CNTNAP2: variants seen among roughly 807,000 people sequenced by gnomAD.
CNTNAP2 encodes contactin associated protein 2.
CNTNAP2 carries 98 observed loss-of-function variants against 155.2 expected under a neutral mutation model. The ratio of observed to expected loss-of-function variants is 0.63; its 90% CI spans 0.54 to 0.75. CNTNAP2 has a LOEUF of 0.75. Among genes scored for constraint, CNTNAP2 ranks in the 30% least tolerant of loss-of-function variants. The probability of loss-of-function intolerance (pLI) is 0.00; values close to 1 mark genes in which losing one functional copy is unlikely to be tolerated. For synonymous variants in CNTNAP2, 651 were observed against 631.2 expected (o/e 1.03, Z -0.47); for missense variants, 1,727 against 1,688.1 (o/e 1.02, Z -0.40).
intron 3 of CNTNAP2, among the ~76,000 whole-genome samples, chr7:146,955,013 C>G (rs1411530928): frequency 1.3e-5 from 2 of 151,874 alleles, no homozygotes; most frequent in African/African-American, 2.4e-5. Flanking sequence ...TTTTAAAACT[C>G]TTGTTTGTGT....
At chr7:148,345,611 C>T (rs1016425671) in intron 21 of CNTNAP2, among the ~76,000 whole-genome samples, 6 of 152,144 alleles carry the variant, frequency 3.9e-5, no homozygotes, top group Admixed American at 6.5e-5. Context: ...TCTCGAACCC[C>T]TGACCTCGTG....
intron 14 of CNTNAP2, 107 bp downstream of exon 14, chr7:147,903,828 A>G: frequency 7.3e-7 from 1 of 1,376,392 alleles, no homozygotes; most frequent in Non-Finnish European, 1.0e-6. Context: ...ATACGATAAT[A>G]GGGTAGAAAG....
At chr7:146,152,264 T>A (rs558678348) in intron 1 of CNTNAP2, among the ~76,000 whole-genome samples, 5 of 152,100 alleles carry the variant, frequency 3.3e-5, no homozygotes. Context: ...AAGCCAGACA[T>A]AGAAAGACAA....
Position 148,415,798 on chromosome 7 carries a change from T to A in CNTNAP2, c.*182T>A. 1 of 674,280 alleles carries A rather than the reference T, an allele frequency of 1.5e-6. No homozygotes were observed. Among genetic ancestry groups the A allele is most frequent in the Non-Finnish European group, 2.5e-6 (1 of 403,784 alleles). The allele number at this position is 674,280 out of a possible 1,614,324, so 41.8% of individuals were successfully genotyped here. A position where few individuals can be genotyped will look rare whatever the true frequency, so the allele number is the denominator to read the frequency against. On this transcript the variant is annotated 3_prime_UTR_variant, in exon 24 of 24. Coordinates refer to ENST00000361727, the MANE Select transcript of CNTNAP2 (RefSeq NM_014141.6). ...CTGATCACAAAAAAAAAAACCTTTT[T>A]AATATTTCTTTATAGCTGAGTTTTC...
At chr7:147,291,272 T>A (rs1805303516) in intron 8 of CNTNAP2, among the ~76,000 whole-genome samples, 1 of 152,072 alleles carries the variant, frequency 6.6e-6, no homozygotes, top group South Asian at 2.1e-4. Context: ...CATCTAGGTT[T>A]TAAGCCCCAC....
chr7:148,122,137 C>G (rs1804609660), intron 16 of CNTNAP2, among the ~76,000 whole-genome samples: 1 of 152,212 alleles, frequency 6.6e-6, no homozygotes, highest in African/African-American at 2.4e-5. Context: ...GCATTCACAT[C>G]TCCATTTTAC....
In CNTNAP2 at chr7:147,897,955, A is replaced by C. The variant is rs7801844; in HGVS notation, c.2099-5610A>C. Reference sequence around the variant, plus strand: ...ATGCTGGGACCAGGCACAGGTGGACAGAAGACACAGCTTCAGGGTGGACCT... The same window carrying C: ...ATGCTGGGACCAGGCACAGGTGGACCGAAGACACAGCTTCAGGGTGGACCT... On this transcript the variant is annotated intron_variant, in intron 13 of 23. Transcript: ENST00000361727. 7.4e-3 allele frequency among the ~76,000 whole-genome samples: 1,126 copies of C among 152,362 alleles called. 16 individuals are homozygous for C. The highest frequency in any genetic ancestry group is 0.026 in the African/African-American group (1,068 of 41,580).
intron 1 of CNTNAP2, among the ~76,000 whole-genome samples, chr7:146,214,339 G>A (rs557226827): frequency 6.6e-6 from 1 of 152,146 alleles, no homozygotes; most frequent in African/African-American, 2.4e-5. Flanking sequence ...TACAGTTCAG[G>A]AGTCAAAATA....
At chr7:147,699,075 A>G (rs1432053532) in intron 13 of CNTNAP2, among the ~76,000 whole-genome samples, 1 of 152,002 alleles carries the variant, frequency 6.6e-6, no homozygotes, top group African/African-American at 2.4e-5. Flanking sequence ...TTCATATGAG[A>G]GGAAAAGGGG....
chr7:146,440,358 A>C (rs955547407), intron 1 of CNTNAP2, among the ~76,000 whole-genome samples: 1 of 151,618 alleles, frequency 6.6e-6, no homozygotes, highest in African/African-American at 2.4e-5. Context: ...GCTGAGATTT[A>C]TCCATTAATT....
At chr7:147,909,926 A>G (rs117185965) in intron 14 of CNTNAP2, among the ~76,000 whole-genome samples, 1,628 of 152,278 alleles carry the variant, frequency 0.011, 84 homozygotes, top group Admixed American at 0.089. Context: ...CCACCTCAAC[A>G]TTAGAAAGGC....
At chr7:146,377,526 G>C (rs1052646674) in intron 1 of CNTNAP2, among the ~76,000 whole-genome samples, 1 of 152,156 alleles carries the variant, frequency 6.6e-6, no homozygotes, top group East Asian at 1.9e-4. Flanking sequence ...TGCATGCTTG[G>C]CAGTTCTACT....
chr7:146,968,561 T>A lies in CNTNAP2; in HGVS notation c.403-75346T>A, dbSNP rs531673721. Among the ~76,000 whole-genome samples the A allele has an allele frequency of 6.2e-3, 948 of 152,192 alleles. 9 individuals carry two copies. Among genetic ancestry groups the A allele is most frequent in the African/African-American group, 0.021 (861 of 41,482 alleles). On this transcript the variant is annotated intron_variant, in intron 3 of 23. Transcript: ENST00000361727. ...TGGGAGGGTGTATGTGTCGAGGAAT[T>A]TATCCATTTCTTCTAGATTTTCTAG...
At chr7:146,560,774 T>C (rs1301714731) in intron 1 of CNTNAP2, among the ~76,000 whole-genome samples, 1 of 152,158 alleles carries the variant, frequency 6.6e-6, no homozygotes, top group African/African-American at 2.4e-5. Flanking sequence ...GCCACTTCCA[T>C]TGCCTATCTC....
intron 1 of CNTNAP2, among the ~76,000 whole-genome samples, chr7:146,633,254 G>A (rs1799539345): frequency 6.6e-6 from 1 of 152,156 alleles, no homozygotes. Context: ...TAAGAAGTTT[G>A]GGAGTCAGAA....
intron 1 of CNTNAP2, among the ~76,000 whole-genome samples, chr7:146,522,147 T>C: frequency 6.6e-6 from 1 of 152,066 alleles, no homozygotes; most frequent in East Asian, 1.9e-4. Flanking sequence ...CAAAAGGCAA[T>C]TTAATGAGAT....
chr7:148,395,483 G>C (rs917783704), intron 22 of CNTNAP2, among the ~76,000 whole-genome samples: 5 of 152,146 alleles, frequency 3.3e-5, no homozygotes. Flanking sequence ...GACCTGAAAA[G>C]AACTTAGAGG....
chr7:146,200,324 T>C (rs886944539), intron 1 of CNTNAP2, among the ~76,000 whole-genome samples: 5 of 151,968 alleles, frequency 3.3e-5, no homozygotes, highest in African/African-American at 1.2e-4. Flanking sequence ...TGAAACCCCA[T>C]CTCTACTAAA....
chr7:146,789,503 T>C lies in CNTNAP2; in HGVS notation c.208+15122T>C, dbSNP rs533948852. Among the ~76,000 whole-genome samples the C allele has an allele frequency of 1.0e-3, 157 of 152,198 alleles. No homozygotes were observed. In the Middle Eastern group the frequency reaches 0.014, roughly 13 times the overall value. Reference sequence around the variant, plus strand: ...ATATTTGCATATAATGATGTATTTGTTAAAAGCATATCTTTTTTTCACTAT... The same window carrying C: ...ATATTTGCATATAATGATGTATTTGCTAAAAGCATATCTTTTTTTCACTAT... On this transcript the variant is annotated intron_variant, in intron 2 of 23. Transcript: ENST00000361727.
Sources: gnomAD v4.1 joint callset for allele counts (sites outside exome capture counted in the v4.1 genomes callset) on GRCh38, gnomAD v4.1.1 for gene constraint, MANE v1.5 for transcripts, NCBI Gene and HGNC (gene_info 2026-07-23, HGNC 2026-07-21) for gene names.